ADAMTS12: variants seen among roughly 807,000 people sequenced by gnomAD.
The protein encoded by ADAMTS12 is ADAM metallopeptidase with thrombospondin type 1 motif 12.
In ADAMTS12, 118 loss-of-function variants were observed where a neutral mutation model predicts 167.8. The observed-to-expected ratio is 0.70, with a 90% CI of 0.61 to 0.82. ADAMTS12 has a LOEUF of 0.82. Among genes scored for constraint, ADAMTS12 ranks in the 40% least tolerant of loss-of-function variants. The pLI, the probability that ADAMTS12 is intolerant of heterozygous loss-of-function variation, is 0.00. For missense variants in ADAMTS12, 1,916 were observed against 1,998.8 expected, an observed-to-expected ratio of 0.96 and a Z score of 0.79; for synonymous variants, 704 against 716.9, an observed-to-expected ratio of 0.98 and a Z score of 0.29.
chr5:33,527,370 T>C lies in ADAMTS12; in HGVS notation c.4607-4A>G, dbSNP rs1743874374. 2 of 1,611,340 alleles carry C rather than the reference T, an allele frequency of 1.2e-6. No homozygotes were observed. Among genetic ancestry groups the C allele is most frequent in the South Asian group, 2.2e-5 (2 of 90,816 alleles). On this transcript the variant is annotated splice_polypyrimidine_tract_variant and splice_region_variant and intron_variant, in intron 23 of 23. Coordinates refer to ENST00000504830, the MANE Select transcript of ADAMTS12 (RefSeq NM_030955.4). ...TTGTCCTTAGTGCAAAGTAAATCTG[T>C]GGAAGGAGAAAAAGAATAAGAAAAA...
At chr5:33,821,566 A>T (rs1747867471) in intron 2 of ADAMTS12, among the ~76,000 whole-genome samples, 2 of 152,168 alleles carry the variant, frequency 1.3e-5, no homozygotes, top group African/African-American at 4.8e-5. Flanking sequence ...TGCCCTCTGA[A>T]CACTCTTGTC....
chr5:33,739,487 A>G (rs895914061), intron 3 of ADAMTS12, among the ~76,000 whole-genome samples: 26 of 152,186 alleles, frequency 1.7e-4, no homozygotes, highest in African/African-American at 5.8e-4. Context: ...ATGTGCATGC[A>G]TGTGTGCATA....
At chr5:33,588,577 C>A (rs1381898108) in intron 18 of ADAMTS12, 22 bp downstream of exon 18, 2 of 1,611,320 alleles carry the variant, frequency 1.2e-6, no homozygotes, top group South Asian at 2.2e-5. Flanking sequence ...ATGCCAGTTT[C>A]CCCGCCGAGC....
chr5:33,641,715 G>A (rs979489741), intron 11 of ADAMTS12, 95 bp downstream of exon 11: 2 of 1,263,950 alleles, frequency 1.6e-6, no homozygotes, highest in African/African-American at 3.0e-5. Flanking sequence ...ACCTGGAGGA[G>A]GCTTGGGGTC....
chr5:33,603,115 G>T (rs1738267960), intron 16 of ADAMTS12, among the ~76,000 whole-genome samples: 1 of 152,154 alleles, frequency 6.6e-6, no homozygotes, highest in Non-Finnish European at 1.5e-5. Flanking sequence ...CACAAAAATG[G>T]CAAAGGTCAC....
chr5:33,689,945 G>T (rs1742492176), intron 3 of ADAMTS12, among the ~76,000 whole-genome samples: 1 of 152,248 alleles, frequency 6.6e-6, no homozygotes, highest in Admixed American at 6.5e-5. Flanking sequence ...ATTCCACATG[G>T]TGCATCTTTA....
chr5:33,741,774 T>A (rs1744596856), intron 3 of ADAMTS12, among the ~76,000 whole-genome samples: 1 of 152,052 alleles, frequency 6.6e-6, no homozygotes, highest in Non-Finnish European at 1.5e-5. Context: ...ATTACAGGCA[T>A]GTGCCACCAC....
intron 3 of ADAMTS12, among the ~76,000 whole-genome samples, chr5:33,706,831 A>G (rs1579858050): frequency 1.3e-5 from 2 of 152,176 alleles, no homozygotes; most frequent in Admixed American, 6.5e-5. Context: ...CTTATGACAA[A>G]CCCACAGCCA....
intron 22 of ADAMTS12, among the ~76,000 whole-genome samples, chr5:33,543,417 C>T (rs772511041): frequency 2.0e-5 from 3 of 152,092 alleles, no homozygotes; most frequent in Non-Finnish European, 4.4e-5. Context: ...GATTCACACG[C>T]GAATTCTACC....
rs558953165 is a variant in ADAMTS12 at position 33,885,285 on chromosome 5, A to T, written c.128-3805T>A. Among the ~76,000 whole-genome samples the T allele has an allele frequency of 1.3e-4, 20 of 152,312 alleles. No individual in the cohort carries two copies. The South Asian group carries it at 4.1e-3, about 32-fold the overall frequency. On this transcript the variant is annotated intron_variant, in intron 1 of 23. Transcript: ENST00000504830. ...TATAATTGCAATTGTGAGATATATT[A>T]ATATATATGCATATGAACAAAGCCT...
intron 3 of ADAMTS12, among the ~76,000 whole-genome samples, chr5:33,725,014 C>A (rs990423278): frequency 2.0e-5 from 3 of 152,164 alleles, no homozygotes; most frequent in Non-Finnish European, 2.9e-5. Context: ...AACCCTATAC[C>A]TTCCCCCTGC....
At chr5:33,709,433 T>G (rs768859274) in intron 3 of ADAMTS12, among the ~76,000 whole-genome samples, 10 of 152,122 alleles carry the variant, frequency 6.6e-5, no homozygotes, top group Non-Finnish European at 1.2e-4. Flanking sequence ...ATATTCACAA[T>G]AGCAAAGATA....
At chr5:33,875,295 C>T (rs1750184294) in intron 2 of ADAMTS12, among the ~76,000 whole-genome samples, 1 of 151,998 alleles carries the variant, frequency 6.6e-6, no homozygotes, top group Non-Finnish European at 1.5e-5. Context: ...ATGTACAACA[C>T]CAAGAGTGAA....
Position 33,600,957 on chromosome 5 carries a change from C to G in ADAMTS12, c.2528-4897G>C, listed in dbSNP as rs186147678. Among the ~76,000 whole-genome samples, 4 of 152,184 alleles carry G rather than the reference C, an allele frequency of 2.6e-5. No homozygotes were observed. The East Asian group carries it at 7.7e-4, about 29-fold the overall frequency. On this transcript the variant is annotated intron_variant, in intron 16 of 23. Coordinates refer to ENST00000504830, the MANE Select transcript of ADAMTS12 (RefSeq NM_030955.4). ...TCTTAGCCAACTTTCACTTTAGGTT[C>G]CCACTAAATATTTACCTTTTTTCTT...
chr5:33,654,268 C>T (rs1740964318), intron 7 of ADAMTS12, among the ~76,000 whole-genome samples: 1 of 152,152 alleles, frequency 6.6e-6, no homozygotes, highest in Non-Finnish European at 1.5e-5. Context: ...AAATATTTGT[C>T]AGCTAATTCT....
intron 20 of ADAMTS12, among the ~76,000 whole-genome samples, chr5:33,552,373 T>C (rs1055891888): frequency 1.3e-5 from 2 of 152,198 alleles, no homozygotes; most frequent in African/African-American, 2.4e-5. Flanking sequence ...TAAGGCTCCA[T>C]TTCTCCATTG....
chr5:33,575,706 G>T (rs183675780), intron 19 of ADAMTS12, among the ~76,000 whole-genome samples: 1 of 152,256 alleles, frequency 6.6e-6, no homozygotes, highest in East Asian at 1.9e-4. Context: ...GATGGGGACT[G>T]CATAATGATT....
At chr5:33,593,056 C>T (rs981995441) in intron 17 of ADAMTS12, among the ~76,000 whole-genome samples, 7 of 152,138 alleles carry the variant, frequency 4.6e-5, no homozygotes, top group Non-Finnish European at 1.0e-4. Context: ...GCGGGTGGAT[C>T]ACTTGAGGTC....
chr5:33,565,674 GTTTT>G (rs4049324), intron 19 of ADAMTS12, among the ~76,000 whole-genome samples: 6 of 126,296 alleles, frequency 4.8e-5, no homozygotes, highest in Admixed American at 7.9e-5. Context: ...TTTTTTGTTT[GTTTT>G]TTTTTTTTTT....
Sources: gnomAD v4.1 joint callset for allele counts (sites outside exome capture counted in the v4.1 genomes callset) on GRCh38, gnomAD v4.1.1 for gene constraint, MANE v1.5 for transcripts, NCBI Gene and HGNC (gene_info 2026-07-23, HGNC 2026-07-21) for gene names.